Variants in NTN4 observed in about 807,000 individuals in gnomAD.
NTN4 encodes the protein netrin-4.
A neutral mutation model predicts 73.6 loss-of-function variants in NTN4; 32 were observed. The ratio of observed to expected loss-of-function variants is 0.44; its 90% CI spans 0.33 to 0.58. The LOEUF is 0.58. Among genes scored for constraint, NTN4 ranks in the 20% least tolerant of loss-of-function variants. NTN4 has a pLI of 0.04. For synonymous variants in NTN4, 258 were observed against 287.5 expected (o/e 0.90, Z 1.04); for missense variants, 654 against 798.3 (o/e 0.82, Z 2.18).
chr12:95,771,556 A>G (rs1293037216), intron 2 of NTN4, among the ~76,000 whole-genome samples: 3 of 152,214 alleles, frequency 2.0e-5, no homozygotes, highest in Non-Finnish European at 4.4e-5. Flanking sequence ...ATCAAATTTC[A>G]TAACATTAAG....
At chr12:95,690,404 C>A (rs2431014) in intron 5 of NTN4, among the ~76,000 whole-genome samples, 14 of 151,940 alleles carry the variant, frequency 9.2e-5, no homozygotes, top group African/African-American at 2.9e-4. Context: ...ATCTTTATAC[C>A]GGAGGAAAGT....
At chr12:95,776,885 G>A (rs973994070) in intron 2 of NTN4, among the ~76,000 whole-genome samples, 4 of 151,942 alleles carry the variant, frequency 2.6e-5, no homozygotes, top group African/African-American at 9.7e-5. Flanking sequence ...TGAAATGAAG[G>A]AAAAAATGTT....
chr12:95,736,961 C>T lies in NTN4; in HGVS notation c.864+905G>A, dbSNP rs2078782624. Reference sequence around the variant, plus strand: ...CCTTTAGGAAATGCAGTAGCATATTCTGCAGCCTTTTCCATTTTATTCATT... The same window carrying T: ...CCTTTAGGAAATGCAGTAGCATATTTTGCAGCCTTTTCCATTTTATTCATT... On this transcript the variant is annotated intron_variant, in intron 3 of 9. Transcript: ENST00000343702. 3.3e-5 allele frequency among the ~76,000 whole-genome samples: 5 copies of T among 152,154 alleles called. No individual in the cohort carries two copies. In the South Asian group the frequency reaches 1.0e-3, roughly 31 times the overall value.
intron 5 of NTN4, among the ~76,000 whole-genome samples, chr12:95,686,757 C>CAA (rs536844767): frequency 6.9e-4 from 69 of 100,648 alleles, no homozygotes; most frequent in Middle Eastern, 7.4e-3. Context: ...GACTCTGTCT[C>CAA]AAAAAAAAAA....
At chr12:95,759,707 C>A (rs1164085048) in intron 2 of NTN4, among the ~76,000 whole-genome samples, 1 of 152,138 alleles carries the variant, frequency 6.6e-6, no homozygotes, top group African/African-American at 2.4e-5. Flanking sequence ...AGTGATCCAC[C>A]TGCCTCAGTC....
chr12:95,678,157 A>C (rs2078287846), intron 7 of NTN4, among the ~76,000 whole-genome samples: 1 of 149,698 alleles, frequency 6.7e-6, no homozygotes, highest in Non-Finnish European at 1.5e-5. Context: ...GGACACAGGT[A>C]GGGGAACAAC....
In NTN4 at chr12:95,710,347, A is replaced by G. The variant is rs371980320; in HGVS notation, c.1180+94T>C. 4.8e-5 allele frequency: 49 copies of G among 1,011,332 alleles called. No homozygotes were observed. The East Asian group carries it at 5.0e-4, about 10-fold the overall frequency. 62.6% of individuals were successfully genotyped at this position (1,011,332 alleles called of 1,614,324 possible). ...GTGAGTGTGTTATCTCAGAACCTCA[A>G]TGACCTCCTTCTTTTGGGTTAGCAG... On this transcript the variant is annotated intron_variant, in intron 5 of 9. Coordinates refer to ENST00000343702, the MANE Select transcript of NTN4 (RefSeq NM_021229.4).
intron 3 of NTN4, among the ~76,000 whole-genome samples, chr12:95,734,047 G>A (rs2078757628): frequency 2.7e-5 from 4 of 146,948 alleles, no homozygotes; most frequent in Admixed American, 1.4e-4. Flanking sequence ...TCCAGCCTGG[G>A]TGACAGAGCA....
intron 2 of NTN4, among the ~76,000 whole-genome samples, chr12:95,773,946 T>G (rs1487626534): frequency 1.3e-5 from 2 of 152,130 alleles, no homozygotes; most frequent in Admixed American, 6.6e-5. Flanking sequence ...GCATGCTAAG[T>G]GGTACTGAAG....
intron 2 of NTN4, among the ~76,000 whole-genome samples, chr12:95,739,147 A>G (rs1592696193): frequency 6.6e-6 from 1 of 152,220 alleles, no homozygotes; most frequent in Non-Finnish European, 1.5e-5. Flanking sequence ...GTAAGTATTC[A>G]ATAAATTTTT....
rs1449793952 is a variant in NTN4 at position 95,658,159 on chromosome 12, C to T, written c.*927G>A. 3 of 152,172 alleles carry T rather than the reference C, an allele frequency of 2.0e-5. No individual in the cohort carries two copies. Among genetic ancestry groups the T allele is most frequent in the Admixed American group, 2.0e-4 (3 of 15,274 alleles). The allele number at this position is 152,172 out of a possible 1,614,324, so 9.4% of individuals were successfully genotyped here. A position where few individuals can be genotyped will look rare whatever the true frequency, so the allele number is the denominator to read the frequency against. ...ACTAAGCACAAAAATATAACAAATT[C>T]TGTGTCTACAATAATTTTTGAAGTG... is the stretch of plus-strand genomic sequence containing the variant. On this transcript the variant is annotated 3_prime_UTR_variant, in exon 10 of 10. Coordinates refer to ENST00000343702, the MANE Select transcript of NTN4 (RefSeq NM_021229.4).
chr12:95,695,143 G>A (rs549955052), intron 5 of NTN4, among the ~76,000 whole-genome samples: 4 of 151,538 alleles, frequency 2.6e-5, no homozygotes, highest in South Asian at 2.1e-4. Context: ...AAAAAATGAC[G>A]CTTGAATCAG....
chr12:95,707,390 GTTC>G (rs1452829903), intron 5 of NTN4, among the ~76,000 whole-genome samples: 1 of 152,084 alleles, frequency 6.6e-6, no homozygotes, highest in Non-Finnish European at 1.5e-5. Flanking sequence ...TCCTTAGAAT[GTTC>G]TTTCCCCAGT....
chr12:95,737,883 G>A lies in NTN4; in HGVS notation c.847C>T (p.Pro283Ser). ...TCACCTACCATGTGGAATGTTCCTG[G>A]GGCCTTGACAGGTCTGAAGCCATGA... ...PVHGFRPVKAPGTFHMVHGKC... is the reference protein window; with the variant it reads ...PVHGFRPVKASGTFHMVHGKC... The change falls in exon 3 of 10, where the codon CCA (proline) becomes TCA (serine). Residue 283 changes from proline (P) to serine (S), a missense_variant. Transcript: ENST00000343702. 6.2e-7 allele frequency: 1 copy of A among 1,611,602 alleles called. No individual in the cohort carries two copies. Among genetic ancestry groups the A allele is most frequent in the Non-Finnish European group, 8.5e-7 (1 of 1,178,120 alleles).
chr12:95,659,264 T>C, intron 9 of NTN4, 42 bp from the exon 10 acceptor site: 1 of 1,491,834 alleles, frequency 6.7e-7, no homozygotes, highest in Non-Finnish European at 9.1e-7. Context: ...TATCATACTT[T>C]GTTGAAGGGA....
chr12:95,692,051 G>C (rs532225184), intron 5 of NTN4, among the ~76,000 whole-genome samples: 17 of 151,832 alleles, frequency 1.1e-4, no homozygotes, highest in Admixed American at 3.3e-4. Flanking sequence ...CTTTTTTTGG[G>C]GGGGACAGAG....
chr12:95,671,016 C>A (rs759319653), intron 7 of NTN4: 1 of 151,616 alleles, frequency 6.6e-6, no homozygotes, highest in Non-Finnish European at 1.5e-5. Flanking sequence ...ATTTATCTAT[C>A]GAGATGGAGT....
chr12:95,729,197 TA>T (rs1347260683), intron 3 of NTN4, among the ~76,000 whole-genome samples: 1 of 151,620 alleles, frequency 6.6e-6, no homozygotes, highest in Admixed American at 6.6e-5. Context: ...ATGAAGTGCA[TA>T]ATGTTTATAT....
Position 95,659,048 on chromosome 12 carries a change from A to T in NTN4, c.*38T>A, listed in dbSNP as rs1454992493. 1 of 1,571,120 alleles carries T rather than the reference A, an allele frequency of 6.4e-7. No individual in the cohort carries two copies. The highest frequency in any genetic ancestry group is 8.6e-7 in the Non-Finnish European group (1 of 1,163,500). On this transcript the variant is annotated 3_prime_UTR_variant, in exon 10 of 10. Coordinates refer to ENST00000343702, the MANE Select transcript of NTN4 (RefSeq NM_021229.4). ...TCTTGCTCTAAAGTTTGTGTTTTGT[A>T]CATAGACAAGTGCCATTATGTGCTA...
Sources: gnomAD v4.1 joint callset for allele counts (sites outside exome capture counted in the v4.1 genomes callset) on GRCh38, gnomAD v4.1.1 for gene constraint, MANE v1.5 for transcripts, NCBI Gene and HGNC (gene_info 2026-07-23, HGNC 2026-07-21) for gene names.